GRAMD2A: variants seen among roughly 807,000 people sequenced by gnomAD.
The protein encoded by GRAMD2A is GRAM domain-containing protein 2A.
Under a neutral mutation model 51.1 loss-of-function variants are expected in GRAMD2A, and 37 were observed. The ratio of observed to expected loss-of-function variants is 0.72; its 90% CI spans 0.56 to 0.95. The LOEUF (loss-of-function observed/expected upper bound fraction) is 0.95, where lower values mean the gene tolerates loss of function less well. GRAMD2A is among the 40% of genes least tolerant of loss of function. The pLI is 0.00. For synonymous variants in GRAMD2A, 136 were observed against 157.1 expected (o/e 0.87, Z 1.01); for missense variants, 414 against 426.9 (o/e 0.97, Z 0.27).
At chr15:72,164,725 C>G (rs994141342) in intron 8 of GRAMD2A, among the ~76,000 whole-genome samples, 27 of 152,140 alleles carry the variant, frequency 1.8e-4, no homozygotes, top group Non-Finnish European at 2.6e-4. Flanking sequence ...TCTTTATCCC[C>G]TTGAAGGCCC....
chr15:72,174,581 AG>A (rs1235527471), intron 1 of GRAMD2A, among the ~76,000 whole-genome samples: 1 of 152,118 alleles, frequency 6.6e-6, no homozygotes, highest in Non-Finnish European at 1.5e-5. Context: ...ACATTAAAGG[AG>A]GTACAAAAGA....
chr15:72,183,600 C>G (rs978312700), intron 1 of GRAMD2A, among the ~76,000 whole-genome samples: 1 of 151,826 alleles, frequency 6.6e-6, no homozygotes, highest in Non-Finnish European at 1.5e-5. Context: ...GAGGCCGAGG[C>G]AGGTGAATCA....
At chr15:72,168,646 GC>G in intron 3 of GRAMD2A, 80 bp from the exon 4 acceptor site, 2 of 1,201,272 alleles carry the variant, frequency 1.7e-6, no homozygotes, top group Non-Finnish European at 2.5e-6. Flanking sequence ...AACAGGAAAT[GC>G]CACAGCCCCC....
intron 1 of GRAMD2A, among the ~76,000 whole-genome samples, chr15:72,182,070 T>A (rs2081700385): frequency 6.6e-6 from 1 of 152,064 alleles, no homozygotes; most frequent in Admixed American, 6.6e-5. Flanking sequence ...TATACAAAAA[T>A]TAGCCAAAAT....
At chr15:72,169,308 G>T in intron 2 of GRAMD2A, 1 of 479,530 alleles carries the variant, frequency 2.1e-6, no homozygotes. Context: ...TCCCACCTGG[G>T]TGTCAAAGAC....
intron 4 of GRAMD2A, 73 bp from the exon 5 acceptor site, chr15:72,167,912 G>T: frequency 1.9e-6 from 2 of 1,026,816 alleles, no homozygotes; most frequent in East Asian, 4.8e-5. Flanking sequence ...GGGTCCTCAC[G>T]TTCTGGAGTC....
chr15:72,195,078 A>G (rs1035278086), intron 1 of GRAMD2A, among the ~76,000 whole-genome samples: 1 of 152,330 alleles, frequency 6.6e-6, no homozygotes, highest in Middle Eastern at 3.4e-3. Context: ...TCACTGGCCC[A>G]AATTTTTTCA....
intron 1 of GRAMD2A, among the ~76,000 whole-genome samples, chr15:72,195,663 T>TA (rs762271588): frequency 6.6e-6 from 1 of 152,190 alleles, no homozygotes; most frequent in Non-Finnish European, 1.5e-5. Context: ...CTCACACCTG[T>TA]AATCCCAGCA....
chr15:72,183,114 C>A (rs2081708626), intron 1 of GRAMD2A, among the ~76,000 whole-genome samples: 1 of 151,960 alleles, frequency 6.6e-6, no homozygotes, highest in Admixed American at 6.5e-5. Flanking sequence ...CTCAAGGGAT[C>A]CTTCTGCCTC....
At chr15:72,162,171 C>T in intron 11 of GRAMD2A, 102 bp downstream of exon 11, 1 of 1,343,056 alleles carries the variant, frequency 7.4e-7, no homozygotes, top group Non-Finnish European at 1.1e-6. Context: ...CAGAAGCCAG[C>T]TCAAAACAGG....
chr15:72,165,491 A>G, intron 7 of GRAMD2A, 81 bp from the exon 8 acceptor site: 3 of 1,379,454 alleles, frequency 2.2e-6, no homozygotes, highest in South Asian at 1.2e-5. Flanking sequence ...GCCCTCTCCA[A>G]GAGAGCTTTA....
chr15:72,167,886 G>GT, intron 4 of GRAMD2A, 47 bp from the exon 5 acceptor site: 1 of 1,375,350 alleles, frequency 7.3e-7, no homozygotes, highest in East Asian at 2.3e-5. Context: ...GGTCAGCCCA[G>GT]GAAGCCCCAG....
At position 72,197,777 on chromosome 15, in the gene GRAMD2A, C is replaced by A; in HGVS notation, c.-6G>T. On this transcript the variant is annotated 5_prime_UTR_variant, in exon 1 of 12. Transcript: ENST00000309731. ...CTCCGGCTTAAAGCGGTCATCCCGG[C>A]GCCTGCACCCAGCGCCCCGACCGCG... The A allele has an allele frequency of 7.8e-7, 1 of 1,289,912 alleles. No individual in the cohort carries two copies. The highest frequency in any genetic ancestry group is 9.9e-7 in the Non-Finnish European group (1 of 1,011,964). The allele number at this position is 1,289,912 out of a possible 1,614,324, so 79.9% of individuals were successfully genotyped here.
At position 72,179,605 on chromosome 15, in the gene GRAMD2A, C is replaced by T. The variant is rs139262162; in HGVS notation, c.42-9666G>A. 8.1e-4 allele frequency among the ~76,000 whole-genome samples: 123 copies of T among 152,292 alleles called. 1 individual carries two copies. Among genetic ancestry groups the T allele is most frequent in the Middle Eastern group, 3.4e-3 (1 of 294 alleles). ...ATTAACTCCTGCATTTGTGTCTCCA[C>T]AAAATGGCAAACAGAGAAAAAAATT... On this transcript the variant is annotated intron_variant, in intron 1 of 11. Transcript: ENST00000309731.
intron 3 of GRAMD2A, 94 bp from the exon 4 acceptor site, chr15:72,168,660 G>T: frequency 9.4e-7 from 1 of 1,068,466 alleles, no homozygotes; most frequent in Non-Finnish European, 1.5e-6. Context: ...CAGCCCCCCG[G>T]CCCATGCTGG....
In GRAMD2A at chr15:72,168,500, C is replaced by G. The variant is rs757609234; in HGVS notation, c.259G>C (p.Val87Leu). 1 of 1,613,048 alleles carries G rather than the reference C, an allele frequency of 6.2e-7. No homozygotes were observed. Among genetic ancestry groups the G allele is most frequent in the South Asian group, 1.1e-5 (1 of 91,050 alleles). Residue 87 changes from valine (V) to leucine (L), a missense_variant, in exon 4 of 12, where the codon GTT becomes CTT. Transcript: ENST00000309731. ...CCGGGAGACAGCTCACCTTTGAGAACCACTTCCTCCAAGGGAACATCCTTA... is the reference window on the plus strand; with the variant it reads ...CCGGGAGACAGCTCACCTTTGAGAAGCACTTCCTCCAAGGGAACATCCTTA... ...LFKDVPLEEV[V>L]LKVCSCALQR...
intron 1 of GRAMD2A, among the ~76,000 whole-genome samples, chr15:72,191,107 C>T (rs557515016): frequency 6.6e-5 from 10 of 152,284 alleles, no homozygotes; most frequent in East Asian, 5.8e-4. Flanking sequence ...GCCCATACCA[C>T]GATTTTGAAA....
At position 72,163,322 on chromosome 15, in the gene GRAMD2A, C is replaced by T; in HGVS notation, c.900G>A (p.Arg300=). ...CCCAGAGCCTCAGCTCCCCAGTGCT[C>T]CTGGGCTCCTCCTCCAGCTCATCCT... ...YEEDELEEEP[R]STGELRLWDY... The change falls in exon 10 of 12, where the codon AGG becomes AGA. Residue 300 remains arginine, a synonymous_variant. Transcript: ENST00000309731. 1 of 1,613,002 alleles carries T rather than the reference C, an allele frequency of 6.2e-7. No individual in the cohort carries two copies. Among genetic ancestry groups the T allele is most frequent in the South Asian group, 1.1e-5 (1 of 91,086 alleles).
intron 1 of GRAMD2A, among the ~76,000 whole-genome samples, chr15:72,188,067 G>A (rs1160922369): frequency 6.6e-6 from 1 of 152,148 alleles, no homozygotes; most frequent in African/African-American, 2.4e-5. Flanking sequence ...GGCTGGGCGT[G>A]GTGGCTCATG....
Sources: allele counts gnomAD v4.1 joint callset (sites outside exome capture counted in the v4.1 genomes callset), GRCh38; gene constraint gnomAD v4.1.1; transcripts MANE v1.5; gene names NCBI Gene and HGNC (gene_info 2026-07-23, HGNC 2026-07-21).